The following FSTL5 variants were observed in gnomAD, a reference collection of about 807,000 sequenced individuals.
FSTL5 encodes the protein follistatin like 5.
A neutral mutation model predicts 89.1 loss-of-function variants in FSTL5; 62 were observed. The ratio of observed to expected loss-of-function variants is 0.70; its 90% CI spans 0.57 to 0.86. The LOEUF is 0.86. Ranked by LOEUF, FSTL5 falls within the 40% of genes least tolerant of loss-of-function variation. FSTL5 has a pLI of 0.00. For synonymous variants in FSTL5, 383 were observed against 346.2 expected (o/e 1.11, Z -1.18); for missense variants, 1,057 against 1,001.6 (o/e 1.06, Z -0.75).
intron 2 of FSTL5, among the ~76,000 whole-genome samples, chr4:162,083,189 A>G (rs989989175): frequency 1.2e-4 from 18 of 151,802 alleles, no homozygotes. Context: ...AGTATCATTT[A>G]CAATATTGAT....
chr4:161,818,803 A>G (rs1730407649), intron 4 of FSTL5, among the ~76,000 whole-genome samples: 1 of 152,228 alleles, frequency 6.6e-6, no homozygotes, highest in Non-Finnish European at 1.5e-5. Flanking sequence ...TAATTATAAC[A>G]ACCTTCACAG....
At chr4:161,508,665 T>C (rs919803334) in intron 11 of FSTL5, among the ~76,000 whole-genome samples, 3 of 152,036 alleles carry the variant, frequency 2.0e-5, no homozygotes, top group Non-Finnish European at 4.4e-5. Context: ...TGGCCTGGAG[T>C]ATTGTTATTA....
chr4:161,771,295 A>G (rs1741201650), intron 5 of FSTL5, among the ~76,000 whole-genome samples: 1 of 152,100 alleles, frequency 6.6e-6, no homozygotes, highest in East Asian at 1.9e-4. Context: ...ACGTATAAGT[A>G]ACAAGTACAT....
intron 15 of FSTL5, among the ~76,000 whole-genome samples, chr4:161,431,164 G>A (rs1732351622): frequency 6.6e-6 from 1 of 152,124 alleles, no homozygotes; most frequent in Non-Finnish European, 1.5e-5. Context: ...TTTGGTAACA[G>A]AGTAATTGTC....
chr4:161,862,462 C>T (rs186506268), intron 4 of FSTL5, among the ~76,000 whole-genome samples: 6 of 152,214 alleles, frequency 3.9e-5, no homozygotes, highest in Admixed American at 1.3e-4. Context: ...AGGCCGTGTG[C>T]GGTATCTCAC....
At chr4:161,610,552 G>A (rs1734597950) in intron 7 of FSTL5, among the ~76,000 whole-genome samples, 1 of 152,100 alleles carries the variant, frequency 6.6e-6, no homozygotes, top group African/African-American at 2.4e-5. Flanking sequence ...TAAAACCCAG[G>A]TTTCTAAGAT....
At chr4:161,611,964 GAGGGTCA>G (rs58309208) in intron 7 of FSTL5, among the ~76,000 whole-genome samples, 26,140 of 152,086 alleles carry the variant, frequency 0.17, 2,307 homozygotes, top group Middle Eastern at 0.32. Flanking sequence ...AGGAAGTGAA[GAGGGTCA>G]AGGCCAAAGC....
Position 161,598,298 on chromosome 4 carries a change from C to G in FSTL5, c.895-10723G>C, listed in dbSNP as rs547824507. Among the ~76,000 whole-genome samples, 6 of 152,092 alleles carry G rather than the reference C, an allele frequency of 3.9e-5. No individual in the cohort carries two copies. In the South Asian group the frequency reaches 1.2e-3, roughly 32 times the overall value. ...GCTGAGACAGGAGAATAGCTTGAACCCGGAAGGCAGAGGTTGCAGTGAGCC... is the reference window on the plus strand; with the variant it reads ...GCTGAGACAGGAGAATAGCTTGAACGCGGAAGGCAGAGGTTGCAGTGAGCC... On this transcript the variant is annotated intron_variant, in intron 7 of 15. Coordinates refer to ENST00000306100, the MANE Select transcript of FSTL5 (RefSeq NM_020116.5).
rs200592538 is a variant in FSTL5, at chr4:161,469,642, T to A, written c.1609-10323A>T. On this transcript the variant is annotated intron_variant, in intron 13 of 15. Coordinates refer to ENST00000306100, the MANE Select transcript of FSTL5 (RefSeq NM_020116.5). ...TTCTTTGCCCACTTTATTTATCTATTTTTTTTTTTTTTTGAAGCGGAGTCT... is the reference window on the plus strand; with the variant it reads ...TTCTTTGCCCACTTTATTTATCTATATTTTTTTTTTTTTGAAGCGGAGTCT... Among the ~76,000 whole-genome samples, 9 of 22,880 alleles carry A rather than the reference T, an allele frequency of 3.9e-4. No individual in the cohort carries two copies. In the South Asian group the frequency reaches 0.013, roughly 32 times the overall value. 15.0% of individuals were successfully genotyped at this position (22,880 alleles called of 152,430 possible).
intron 4 of FSTL5, among the ~76,000 whole-genome samples, chr4:161,854,961 T>C (rs889236290): frequency 1.3e-5 from 1 of 78,812 alleles, no homozygotes; most frequent in African/African-American, 4.2e-5. Context: ...TAAGTCAATC[T>C]TCACAATTCT....
At chr4:161,570,879 G>T (rs1243684256) in intron 8 of FSTL5, among the ~76,000 whole-genome samples, 1 of 152,116 alleles carries the variant, frequency 6.6e-6, no homozygotes, top group East Asian at 1.9e-4. Flanking sequence ...ACTTTGGGAG[G>T]CTGAGGCAGA....
At chr4:161,612,506 T>C (rs1233273552) in intron 7 of FSTL5, among the ~76,000 whole-genome samples, 1 of 152,208 alleles carries the variant, frequency 6.6e-6, no homozygotes, top group Non-Finnish European at 1.5e-5. Context: ...ACTATTAAAT[T>C]CAACTATTGT....
intron 8 of FSTL5, among the ~76,000 whole-genome samples, chr4:161,572,343 A>AG (rs1553998793): frequency 6.4e-5 from 8 of 124,522 alleles, no homozygotes; most frequent in East Asian, 4.9e-4. Context: ...AAAAAAAAAA[A>AG]AGAGAGAGAG....
At chr4:161,758,169 A>G (rs750793001) in intron 6 of FSTL5, among the ~76,000 whole-genome samples, 1 of 152,178 alleles carries the variant, frequency 6.6e-6, no homozygotes, top group Non-Finnish European at 1.5e-5. Flanking sequence ...AAAAATTATC[A>G]TGCAGTAAGA....
rs370805796 is a variant in FSTL5 at position 161,836,222 on chromosome 4, C to T, written c.410-60148G>A. Among the ~76,000 whole-genome samples, 20 of 144,578 alleles carry T rather than the reference C, an allele frequency of 1.4e-4. No individual in the cohort carries two copies. In the East Asian group the frequency reaches 3.5e-3, roughly 25 times the overall value. 94.8% of individuals were successfully genotyped at this position (144,578 alleles called of 152,430 possible). A position where few individuals can be genotyped will look rare whatever the true frequency, so the allele number is the denominator to read the frequency against. On this transcript the variant is annotated intron_variant, in intron 4 of 15. Transcript: ENST00000306100. ...CGCAAGAACAAAAAAACAACCACTG[C>T]ATATTCTCACTCATAGGTGGGAATT...
chr4:161,990,638 G>T (rs1736085105), intron 3 of FSTL5, among the ~76,000 whole-genome samples: 1 of 151,928 alleles, frequency 6.6e-6, no homozygotes, highest in Non-Finnish European at 1.5e-5. Context: ...TGTGCAATTA[G>T]ATATGAAAAT....
intron 10 of FSTL5, among the ~76,000 whole-genome samples, chr4:161,537,146 C>T (rs1450617306): frequency 6.6e-6 from 1 of 152,076 alleles, no homozygotes; most frequent in Non-Finnish European, 1.5e-5. Context: ...AATGGATCCA[C>T]TCATGTCAAT....
At chr4:161,804,258 AC>A (rs1729889935) in intron 4 of FSTL5, among the ~76,000 whole-genome samples, 1 of 151,950 alleles carries the variant, frequency 6.6e-6, no homozygotes, top group Non-Finnish European at 1.5e-5. Flanking sequence ...TAAGGTCCCT[AC>A]CCATAACTTT....
intron 6 of FSTL5, among the ~76,000 whole-genome samples, chr4:161,663,589 A>C (rs1736789274): frequency 6.6e-6 from 1 of 152,142 alleles, no homozygotes; most frequent in Admixed American, 6.5e-5. Flanking sequence ...TGCAGGGTAC[A>C]GCCTCCCTCC....
Sources: gnomAD v4.1 joint callset for allele counts (sites outside exome capture counted in the v4.1 genomes callset) on GRCh38, gnomAD v4.1.1 for gene constraint, MANE v1.5 for transcripts, NCBI Gene and HGNC (gene_info 2026-07-23, HGNC 2026-07-21) for gene names.